TTC28: variants seen among roughly 807,000 people sequenced by gnomAD.
TTC28 encodes tetratricopeptide repeat domain 28.
Under a neutral mutation model 198.0 loss-of-function variants are expected in TTC28, and 61 were observed. That is an observed-to-expected ratio of 0.31 (90% confidence interval 0.25 to 0.38). The LOEUF is 0.38. TTC28 is among the 10% of genes least tolerant of loss of function. The probability of loss-of-function intolerance (pLI) is 1.00; values close to 1 mark genes in which losing one functional copy is unlikely to be tolerated. For missense variants in TTC28, 2,678 were observed against 3,164.0 expected, an observed-to-expected ratio of 0.85 and a Z score of 3.69; for synonymous variants, 1,171 against 1,297.8, an observed-to-expected ratio of 0.90 and a Z score of 2.10.
intron 6 of TTC28, among the ~76,000 whole-genome samples, chr22:28,159,061 T>C (rs1476848539): frequency 2.6e-5 from 4 of 152,062 alleles, no homozygotes; most frequent in Admixed American, 6.6e-5. Context: ...TCAAACAATC[T>C]ACAGGAAAAA....
intron 2 of TTC28, among the ~76,000 whole-genome samples, chr22:28,427,620 T>C (rs1015609294): frequency 3.9e-5 from 6 of 152,168 alleles, no homozygotes; most frequent in African/African-American, 1.4e-4. Context: ...GCCACCGCAC[T>C]CTAGCCTGGG....
At chr22:28,627,520 C>T (rs1462954934) in intron 2 of TTC28, among the ~76,000 whole-genome samples, 1 of 151,650 alleles carries the variant, frequency 6.6e-6, no homozygotes, top group Non-Finnish European at 1.5e-5. Flanking sequence ...CAACCTCTGC[C>T]TCTTGGGTTC....
chr22:28,187,492 T>C (rs1373862986), intron 5 of TTC28, among the ~76,000 whole-genome samples: 5 of 150,856 alleles, frequency 3.3e-5, no homozygotes, highest in Non-Finnish European at 4.4e-5. Flanking sequence ...CTATATACTA[T>C]ACACACTATA....
intron 2 of TTC28, among the ~76,000 whole-genome samples, chr22:28,515,184 C>G (rs899848807): frequency 1.3e-5 from 2 of 152,042 alleles, no homozygotes; most frequent in African/African-American, 4.8e-5. Flanking sequence ...AGCAATTTTT[C>G]TATTAAAGAA....
intron 2 of TTC28, among the ~76,000 whole-genome samples, chr22:28,424,114 C>T (rs1057013987): frequency 7.2e-5 from 11 of 152,090 alleles, no homozygotes; most frequent in Admixed American, 2.6e-4. Flanking sequence ...CTAGGTAATT[C>T]CAGTATAATT....
Position 28,550,202 on chromosome 22 carries a change from T to C in TTC28, c.381+79350A>G, listed in dbSNP as rs115826826. Among the ~76,000 whole-genome samples, 655 of 152,292 alleles carry C rather than the reference T, an allele frequency of 4.3e-3. 5 individuals carry two copies. The highest frequency in any genetic ancestry group is 0.015 in the African/African-American group (626 of 41,570). On this transcript the variant is annotated intron_variant, in intron 2 of 22. Coordinates refer to ENST00000397906, the MANE Select transcript of TTC28 (RefSeq NM_001145418.2). ...ATTGACATTTTGCAGAAGTAGATGT[T>C]AAATTCTTTAAAAGAATTTTTTAGG...
chr22:28,550,141 T>C (rs1291983826), intron 2 of TTC28, among the ~76,000 whole-genome samples: 1 of 152,148 alleles, frequency 6.6e-6, no homozygotes, highest in Non-Finnish European at 1.5e-5. Flanking sequence ...GAGGTACTCC[T>C]CACTACGTCC....
intron 2 of TTC28, among the ~76,000 whole-genome samples, chr22:28,441,579 C>T (rs1015456005): frequency 1.6e-4 from 25 of 152,100 alleles, no homozygotes; most frequent in African/African-American, 5.8e-4. Context: ...AATTAGATAT[C>T]AAAGAAAACC....
intron 6 of TTC28, among the ~76,000 whole-genome samples, chr22:28,153,395 T>TA (rs55726442): frequency 0.11 from 11,106 of 96,964 alleles, 643 homozygotes; most frequent in African/African-American, 0.2. Context: ...CTCAAAGAAT[T>TA]AAAAAAAAAA....
chr22:28,169,155 T>C (rs1001020084), intron 5 of TTC28, among the ~76,000 whole-genome samples: 1 of 152,102 alleles, frequency 6.6e-6, no homozygotes, highest in Non-Finnish European at 1.5e-5. Flanking sequence ...ATGGCGATCA[T>C]TAAAAAGTCA....
At chr22:28,655,116 G>C (rs917336696) in intron 1 of TTC28, among the ~76,000 whole-genome samples, 3 of 152,168 alleles carry the variant, frequency 2.0e-5, no homozygotes, top group Middle Eastern at 3.2e-3. Context: ...TATAACTGAT[G>C]AATGTTGCCT....
intron 5 of TTC28, among the ~76,000 whole-genome samples, chr22:28,170,942 C>T (rs1459423192): frequency 1.3e-5 from 2 of 151,908 alleles, no homozygotes; most frequent in Non-Finnish European, 2.9e-5. Flanking sequence ...CAGAGAGATG[C>T]CATCTTCCTA....
At chr22:28,074,869 G>C (rs1034256530) in intron 12 of TTC28, among the ~76,000 whole-genome samples, 20 of 152,206 alleles carry the variant, frequency 1.3e-4, no homozygotes, top group Non-Finnish European at 2.4e-4. Context: ...GGAGGCCAAG[G>C]CAGGCGGATC....
At chr22:28,327,888 G>A (rs940079440) in intron 2 of TTC28, among the ~76,000 whole-genome samples, 2 of 152,078 alleles carry the variant, frequency 1.3e-5, no homozygotes, top group Admixed American at 6.5e-5. Context: ...CACTCTTCCA[G>A]GTGTTTTATA....
intron 2 of TTC28, among the ~76,000 whole-genome samples, chr22:28,504,373 CTGTT>C (rs1017732088): frequency 6.6e-6 from 1 of 151,876 alleles, no homozygotes; most frequent in African/African-American, 2.4e-5. Flanking sequence ...GTGTGTGTGT[CTGTT>C]TGTGTAGCCA....
intron 2 of TTC28, among the ~76,000 whole-genome samples, chr22:28,445,959 T>C (rs1461032404): frequency 1.3e-5 from 2 of 152,086 alleles, no homozygotes; most frequent in Non-Finnish European, 2.9e-5. Flanking sequence ...TTGACTGTTA[T>C]AATACCAACA....
At chr22:28,491,586 C>T (rs914244841) in intron 2 of TTC28, among the ~76,000 whole-genome samples, 2 of 152,030 alleles carry the variant, frequency 1.3e-5, no homozygotes, top group East Asian at 1.9e-4. Flanking sequence ...GTTAGAATGG[C>T]GATCATTAAA....
chr22:28,089,251 C>T (rs993483917), intron 12 of TTC28, among the ~76,000 whole-genome samples: 15 of 152,242 alleles, frequency 9.9e-5, no homozygotes, highest in Admixed American at 3.9e-4. Flanking sequence ...ATAGCAAAGA[C>T]TTGGAACCAA....
chr22:28,551,817 C>T (rs2049677712), intron 2 of TTC28, among the ~76,000 whole-genome samples: 1 of 152,162 alleles, frequency 6.6e-6, no homozygotes, highest in Non-Finnish European at 1.5e-5. Context: ...TGAACTGGAA[C>T]AAGACAAGGA....
Sources: allele counts gnomAD v4.1 joint callset (sites outside exome capture counted in the v4.1 genomes callset), GRCh38; gene constraint gnomAD v4.1.1; transcripts MANE v1.5; gene names NCBI Gene and HGNC (gene_info 2026-07-23, HGNC 2026-07-21).